The following THBS4 variants were observed in gnomAD, a reference collection of about 807,000 sequenced individuals.
THBS4 encodes the protein thrombospondin-4.
Under a neutral mutation model 115.7 loss-of-function variants are expected in THBS4, and 90 were observed. That is an observed-to-expected ratio of 0.78 (90% CI 0.66 to 0.93). THBS4 has a LOEUF of 0.93. Ranked by LOEUF, THBS4 falls within the 40% of genes least tolerant of loss-of-function variation. The probability of loss-of-function intolerance (pLI) is 0.00; values close to 1 mark genes in which losing one functional copy is unlikely to be tolerated. For missense variants in THBS4, 1,087 were observed against 1,232.7 expected, an observed-to-expected ratio of 0.88 and a Z score of 1.77; for synonymous variants, 460 against 479.3, an observed-to-expected ratio of 0.96 and a Z score of 0.53.
chr5:79,994,082 A>G (rs1360769364), intron 1 of THBS4, among the ~76,000 whole-genome samples: 3 of 152,226 alleles, frequency 2.0e-5, no homozygotes, highest in African/African-American at 4.8e-5. Context: ...CTGAGATGCT[A>G]TCATTTTATG....
chr5:80,006,190 G>T (rs1473602635), intron 2 of THBS4, among the ~76,000 whole-genome samples: 1 of 152,092 alleles, frequency 6.6e-6, no homozygotes. Flanking sequence ...CTTCCTCCAG[G>T]TTGGTCAGCT....
At chr5:80,011,223 G>C (rs1293548651) in intron 2 of THBS4, among the ~76,000 whole-genome samples, 1 of 152,180 alleles carries the variant, frequency 6.6e-6, no homozygotes, top group East Asian at 1.9e-4. Context: ...AGATTGTGAG[G>C]CTTCCCCAGC....
chr5:80,058,409 A>G, intron 4 of THBS4, 95 bp downstream of exon 4: 1 of 874,682 alleles, frequency 1.1e-6, no homozygotes, highest in Non-Finnish European at 1.8e-6. Flanking sequence ...GGGACTGTCA[A>G]CAGAGCAGCC....
intron 7 of THBS4, among the ~76,000 whole-genome samples, chr5:80,061,065 C>T (rs1468643548): frequency 6.6e-6 from 1 of 152,210 alleles, no homozygotes; most frequent in Non-Finnish European, 1.5e-5. Context: ...ATACATTTCA[C>T]TGAACTGCAT....
chr5:80,029,749 G>T (rs1832548160), intron 2 of THBS4, among the ~76,000 whole-genome samples: 1 of 151,586 alleles, frequency 6.6e-6, no homozygotes, highest in Non-Finnish European at 1.5e-5. Flanking sequence ...CGTGAGGTCA[G>T]GAGATTGAGA....
chr5:80,079,863 G>A, intron 19 of THBS4, 42 bp from the exon 20 acceptor site: 4 of 1,594,714 alleles, frequency 2.5e-6, no homozygotes, highest in Non-Finnish European at 3.4e-6. Flanking sequence ...GAAGGGTGGT[G>A]CCTGTGTCCT....
chr5:80,013,902 G>C (rs1333712251), intron 2 of THBS4, among the ~76,000 whole-genome samples: 4 of 152,324 alleles, frequency 2.6e-5, no homozygotes, highest in African/African-American at 9.6e-5. Context: ...CCATAACTAA[G>C]CGTCTTTGAA....
chr5:80,020,256 A>C (rs1405867939), intron 2 of THBS4, among the ~76,000 whole-genome samples: 1 of 152,146 alleles, frequency 6.6e-6, no homozygotes, highest in Non-Finnish European at 1.5e-5. Flanking sequence ...GTGGATCACG[A>C]GGTCAGGAGA....
At chr5:80,026,966 A>C (rs1185709009) in intron 2 of THBS4, among the ~76,000 whole-genome samples, 1 of 152,188 alleles carries the variant, frequency 6.6e-6, no homozygotes, top group Non-Finnish European at 1.5e-5. Context: ...TTATTGCACT[A>C]TAAACCTCAC....
chr5:80,004,525 T>C (rs900320290), intron 2 of THBS4, among the ~76,000 whole-genome samples: 22 of 152,168 alleles, frequency 1.4e-4, no homozygotes, highest in African/African-American at 5.3e-4. Flanking sequence ...ACGGGTTTGA[T>C]TTAGAAATTC....
At chr5:80,048,980 A>G (rs1382343037) in intron 2 of THBS4, among the ~76,000 whole-genome samples, 3 of 152,212 alleles carry the variant, frequency 2.0e-5, no homozygotes, top group African/African-American at 7.2e-5. Context: ...AAAAGTGCCA[A>G]AGAGCAAAGC....
Position 80,080,160 on chromosome 5 carries a change from G to C in THBS4, c.2684+83G>C, listed in dbSNP as rs1345046050. ...CATCCCAGAGCCTTCATTTCCCTGA[G>C]CAATTCTGACCTAGGATAGTCCCCA... is the stretch of plus-strand genomic sequence containing the variant. On this transcript the variant is annotated intron_variant, in intron 20 of 21. Coordinates refer to ENST00000350881, the MANE Select transcript of THBS4 (RefSeq NM_003248.6). The C allele has an allele frequency of 2.7e-6, 4 of 1,471,726 alleles. No individual in the cohort carries two copies. The African/African-American group carries it at 5.6e-5, about 21-fold the overall frequency. 91.2% of individuals were successfully genotyped at this position (1,471,726 alleles called of 1,614,324 possible).
intron 2 of THBS4, among the ~76,000 whole-genome samples, chr5:80,025,663 T>C (rs970141946): frequency 2.6e-5 from 4 of 152,170 alleles, no homozygotes; most frequent in African/African-American, 9.7e-5. Flanking sequence ...TGATAGGTGC[T>C]TTAAAGGAAT....
intron 2 of THBS4, among the ~76,000 whole-genome samples, chr5:80,042,340 C>A (rs1423042621): frequency 6.6e-6 from 1 of 152,258 alleles, no homozygotes; most frequent in Non-Finnish European, 1.5e-5. Context: ...ATCTGTGGAT[C>A]AGCAGCTTCT....
chr5:80,063,475 A>T (rs2112110161), intron 8 of THBS4, among the ~76,000 whole-genome samples: 1 of 152,290 alleles, frequency 6.6e-6, no homozygotes, highest in East Asian at 1.9e-4. Context: ...ATGTTCTCCC[A>T]TTCTGTAGGT....
At chr5:80,011,752 A>C (rs778684391) in intron 2 of THBS4, among the ~76,000 whole-genome samples, 8 of 152,182 alleles carry the variant, frequency 5.3e-5, no homozygotes, top group Non-Finnish European at 1.2e-4. Flanking sequence ...TCCAACCTGC[A>C]CCTGAAACCC....
At chr5:80,017,838 G>T (rs1052458292) in intron 2 of THBS4, among the ~76,000 whole-genome samples, 1 of 151,930 alleles carries the variant, frequency 6.6e-6, no homozygotes, top group African/African-American at 2.4e-5. Flanking sequence ...ATTCTTAAAC[G>T]ATCTTTTTAC....
intron 18 of THBS4, 36 bp from the exon 19 acceptor site, chr5:80,079,026 T>C (rs756082935): frequency 3.1e-6 from 5 of 1,612,806 alleles, no homozygotes; most frequent in Non-Finnish European, 3.4e-6. Flanking sequence ...ACTAGTGTGG[T>C]TTGTCTATTG....
At chr5:80,054,335 TTTTGA>T (rs1561311754) in intron 2 of THBS4, among the ~76,000 whole-genome samples, 1 of 99,636 alleles carries the variant, frequency 1.0e-5, no homozygotes. Flanking sequence ...TTTTTTTTTT[TTTTGA>T]AATGGAGTCT....
Sources: allele counts gnomAD v4.1 joint callset (sites outside exome capture counted in the v4.1 genomes callset), GRCh38; gene constraint gnomAD v4.1.1; transcripts MANE v1.5; gene names NCBI Gene and HGNC (gene_info 2026-07-23, HGNC 2026-07-21).